Variants in XPR1 observed in about 807,000 individuals in gnomAD.
XPR1 encodes xenotropic and polytropic retrovirus receptor 1.
In XPR1, 28 loss-of-function variants were observed where a neutral mutation model predicts 87.5. That is an observed-to-expected ratio of 0.32 (90% CI 0.24 to 0.44). The LOEUF (loss-of-function observed/expected upper bound fraction) is 0.44. XPR1 is among the 20% of genes least tolerant of loss of function. The pLI is 1.00. For synonymous variants in XPR1, 300 were observed against 306.1 expected (o/e 0.98, Z 0.21); for missense variants, 559 against 862.3 (o/e 0.65, Z 4.41).
intron 3 of XPR1, among the ~76,000 whole-genome samples, chr1:180,798,514 T>A (rs79864854): frequency 6.6e-6 from 1 of 152,220 alleles, no homozygotes; most frequent in Non-Finnish European, 1.5e-5. Flanking sequence ...TCCTTTGCCC[T>A]CAGCCAGAAC....
At chr1:180,698,913 A>G (rs191563004) in intron 2 of XPR1, among the ~76,000 whole-genome samples, 4 of 150,560 alleles carry the variant, frequency 2.7e-5, no homozygotes, top group African/African-American at 7.3e-5. Flanking sequence ...GTGACTTGAC[A>G]ATTTTCTCTT....
intron 2 of XPR1, among the ~76,000 whole-genome samples, chr1:180,762,446 CA>C (rs1648081669): frequency 6.6e-6 from 1 of 152,094 alleles, no homozygotes; most frequent in Non-Finnish European, 1.5e-5. Context: ...TTATCTTGAT[CA>C]TACATTGTAA....
chr1:180,857,846 G>T lies in XPR1; in HGVS notation c.1502-5862G>T, dbSNP rs147523092. On this transcript the variant is annotated intron_variant, in intron 11 of 14. Coordinates refer to ENST00000367590, the MANE Select transcript of XPR1 (RefSeq NM_004736.4). The stretch of plus-strand genomic sequence containing the variant: ...GTATTCTAGTTATACAATAAATAAT[G>T]CAGGTTATAGTATATACTCAGTAGT... 4.1e-3 allele frequency among the ~76,000 whole-genome samples: 628 copies of T among 152,222 alleles called. 15 individuals are homozygous for T. The highest frequency in any genetic ancestry group is 0.04 in the East Asian group (206 of 5,182).
intron 3 of XPR1, among the ~76,000 whole-genome samples, chr1:180,790,838 G>A (rs1479585266): frequency 2.0e-5 from 3 of 152,138 alleles, no homozygotes; most frequent in African/African-American, 7.2e-5. Context: ...ACTGTGCACA[G>A]CCAAAATATA....
chr1:180,698,445 G>T, intron 2 of XPR1, among the ~76,000 whole-genome samples: 1 of 152,094 alleles, frequency 6.6e-6, no homozygotes, highest in Middle Eastern at 3.2e-3. Flanking sequence ...GATAGGTGAG[G>T]ACTTGTTCCT....
chr1:180,785,009 GTT>G (rs1215788405), intron 2 of XPR1, among the ~76,000 whole-genome samples: 1 of 123,028 alleles, frequency 8.1e-6, no homozygotes, highest in African/African-American at 3.4e-5. Context: ...GTGTGTGTGT[GTT>G]TGTGTGTGTG....
intron 7 of XPR1, 47 bp downstream of exon 7, chr1:180,811,535 G>A (rs1199020828): frequency 6.9e-7 from 1 of 1,452,510 alleles, no homozygotes; most frequent in Non-Finnish European, 9.6e-7. Flanking sequence ...CAATATGCCT[G>A]TGTCATATTC....
At chr1:180,730,880 T>C (rs1658536651) in intron 2 of XPR1, among the ~76,000 whole-genome samples, 2 of 152,016 alleles carry the variant, frequency 1.3e-5, no homozygotes, top group South Asian at 4.2e-4. Flanking sequence ...TTACCTAGGC[T>C]GGTCTTGAAC....
chr1:180,880,221 G>A lies in XPR1; in HGVS notation c.1954G>A (p.Val652Ile), dbSNP rs748681314. The A allele has an allele frequency of 8.1e-6, 13 of 1,614,054 alleles. No individual in the cohort carries two copies. The highest frequency in any genetic ancestry group is 2.2e-5 in the East Asian group (1 of 44,896). Residue 652 changes from valine (V) to isoleucine (I), a missense_variant, in exon 14 of 15, where the codon GTA becomes ATA. By Grantham distance (29) the Val-to-Ile change is conservative (BLOSUM62 3). Around this residue, in one of 7 missense-constraint regions of XPR1, gnomAD observed 80 missense variants for 99.5 expected, o/e 0.80. Coordinates refer to ENST00000367590, the MANE Select transcript of XPR1 (RefSeq NM_004736.4). ...LEQMMDQDDG[V>I]RNRQKNRSWK... is the part of the protein sequence containing the mutation. ...ACAGATGATGGACCAGGATGATGGGGTACGAAACCGCCAGAAGAATCGGTC... is the reference window on the plus strand; with the variant it reads ...ACAGATGATGGACCAGGATGATGGGATACGAAACCGCCAGAAGAATCGGTC...
chr1:180,744,087 G>A (rs969911174), intron 2 of XPR1, among the ~76,000 whole-genome samples: 5 of 151,904 alleles, frequency 3.3e-5, no homozygotes, highest in Non-Finnish European at 5.9e-5. Context: ...CTTTTCCTTT[G>A]GGAACTTGGT....
intron 1 of XPR1, among the ~76,000 whole-genome samples, chr1:180,660,307 G>A (rs1333970809): frequency 2.0e-5 from 3 of 151,870 alleles, no homozygotes; most frequent in Non-Finnish European, 4.4e-5. Flanking sequence ...CTTTGCAAAA[G>A]ACCAACTTTT....
At chr1:180,731,832 A>G (rs904208418) in intron 2 of XPR1, among the ~76,000 whole-genome samples, 2 of 152,236 alleles carry the variant, frequency 1.3e-5, no homozygotes, top group Non-Finnish European at 2.9e-5. Context: ...GTATTCATGT[A>G]GCTAGTGGCT....
At chr1:180,721,364 T>C (rs909035132) in intron 2 of XPR1, among the ~76,000 whole-genome samples, 2 of 152,200 alleles carry the variant, frequency 1.3e-5, no homozygotes, top group African/African-American at 4.8e-5. Flanking sequence ...AGCTAACAAG[T>C]CTGAGAGTGT....
rs190159954 is a variant in XPR1 at position 180,748,592 on chromosome 1, A to G, written c.122-39161A>G. Among the ~76,000 whole-genome samples, 513 of 151,076 alleles carry G rather than the reference A, an allele frequency of 3.4e-3. 4 individuals are homozygous for G. Among genetic ancestry groups the G allele is most frequent in the African/African-American group, 0.012 (505 of 41,196 alleles). ...CGCCACCACGCCCGGCTAATTTTGTATTTTTAGTAGATGTGGGATTTCTCC... is the reference window on the plus strand; with the variant it reads ...CGCCACCACGCCCGGCTAATTTTGTGTTTTTAGTAGATGTGGGATTTCTCC... On this transcript the variant is annotated intron_variant, in intron 2 of 14. Coordinates refer to ENST00000367590, the MANE Select transcript of XPR1 (RefSeq NM_004736.4).
At chr1:180,703,693 C>A in intron 2 of XPR1, among the ~76,000 whole-genome samples, 1 of 152,092 alleles carries the variant, frequency 6.6e-6, no homozygotes, top group African/African-American at 2.4e-5. Context: ...GAATAGGGAC[C>A]CAAATAAGAT....
At chr1:180,864,771 T>G (rs1427909966) in intron 12 of XPR1, among the ~76,000 whole-genome samples, 2 of 152,192 alleles carry the variant, frequency 1.3e-5, no homozygotes, top group Admixed American at 6.5e-5. Context: ...ATAAATACCA[T>G]GATTAGACCT....
chr1:180,773,245 G>GA (rs1213430519), intron 2 of XPR1, among the ~76,000 whole-genome samples: 2 of 151,916 alleles, frequency 1.3e-5, no homozygotes, highest in African/African-American at 2.4e-5. Flanking sequence ...GATACTTGGG[G>GA]AAAAAAAATG....
At chr1:180,782,502 A>T (rs1387508893) in intron 2 of XPR1, among the ~76,000 whole-genome samples, 1 of 152,054 alleles carries the variant, frequency 6.6e-6, no homozygotes, top group East Asian at 1.9e-4. Flanking sequence ...GATTGGAGTG[A>T]GGGAGGCAGA....
At chr1:180,655,921 G>T (rs1205328550) in intron 1 of XPR1, among the ~76,000 whole-genome samples, 1 of 151,810 alleles carries the variant, frequency 6.6e-6, no homozygotes, top group Non-Finnish European at 1.5e-5. Flanking sequence ...GGTAAATGAG[G>T]TATTCCTCAC....
Sources: gnomAD v4.1 joint callset for allele counts (sites outside exome capture counted in the v4.1 genomes callset) on GRCh38, gnomAD v4.1.1 for gene constraint, gnomAD v4.1.1 regional missense constraint, MANE v1.5 for transcripts, NCBI Gene and HGNC (gene_info 2026-07-23, HGNC 2026-07-21) for gene names.